Variants in GC observed in about 807,000 individuals in gnomAD.
The protein encoded by GC is GC vitamin D binding protein.
GC carries 43 observed loss-of-function variants against 56.7 expected under a neutral mutation model. That is an observed-to-expected ratio of 0.76 (90% CI 0.59 to 0.98). GC has a LOEUF of 0.98. Among genes scored for constraint, GC ranks in the 50% least tolerant of loss-of-function variants. The pLI is 0.00. For synonymous variants in GC, 216 were observed against 202.7 expected (o/e 1.07, Z -0.56); for missense variants, 529 against 545.9 (o/e 0.97, Z 0.31).
chr4:71,782,230 C>T (rs1160920899), intron 1 of GC, among the ~76,000 whole-genome samples: 2 of 151,684 alleles, frequency 1.3e-5, no homozygotes, highest in Non-Finnish European at 2.9e-5. Context: ...CAAACCAATC[C>T]CCCACAATAC....
At chr4:71,792,164 C>G (rs1180207803) in intron 1 of GC, among the ~76,000 whole-genome samples, 2 of 152,134 alleles carry the variant, frequency 1.3e-5, no homozygotes, top group Non-Finnish European at 2.9e-5. Context: ...GATTTATAAT[C>G]CTTTGGGTAT....
At chr4:71,771,535 T>C (rs944395559) in intron 1 of GC, among the ~76,000 whole-genome samples, 1 of 152,100 alleles carries the variant, frequency 6.6e-6, no homozygotes, top group Non-Finnish European at 1.5e-5. Context: ...ACAAGAGACC[T>C]ACTCAAACAC....
upstream of GC, among the ~76,000 whole-genome samples, chr4:71,786,314 A>G (rs1317534514): frequency 6.6e-6 from 1 of 151,780 alleles, no homozygotes; most frequent in Non-Finnish European, 1.5e-5. Flanking sequence ...TGATTCTAAA[A>G]CTGGGAAGAA....
chr4:71,753,642 A>G (rs1241629720), intron 10 of GC, among the ~76,000 whole-genome samples: 3 of 152,142 alleles, frequency 2.0e-5, no homozygotes, highest in Non-Finnish European at 2.9e-5. Flanking sequence ...GTTAATGTCT[A>G]TTTATAGAGA....
At chr4:71,787,858 A>G (rs1458295009), upstream of GC, among the ~76,000 whole-genome samples, 11 of 151,892 alleles carry the variant, frequency 7.2e-5, no homozygotes, top group African/African-American at 2.7e-4. Flanking sequence ...AATATCCAAA[A>G]TAGAAGACAC....
At chr4:71,784,996 G>T (rs1560710776), upstream of GC, among the ~76,000 whole-genome samples, 1 of 151,722 alleles carries the variant, frequency 6.6e-6, no homozygotes, top group Middle Eastern at 3.4e-3. Context: ...CCTGGTTTTT[G>T]CAGTAGCCCT....
At chr4:71,803,479 T>A (rs1470840335) in intron 1 of GC, among the ~76,000 whole-genome samples, 1 of 152,096 alleles carries the variant, frequency 6.6e-6, no homozygotes, top group Non-Finnish European at 1.5e-5. Context: ...AACTTCTTTT[T>A]TATTCAAGGT....
intron 11 of GC, among the ~76,000 whole-genome samples, chr4:71,750,424 G>A (rs1741507961): frequency 6.6e-6 from 1 of 152,192 alleles, no homozygotes; most frequent in Non-Finnish European, 1.5e-5. Flanking sequence ...TACACTAGAT[G>A]ATCTTTATAG....
rs141259690 is a variant in GC at position 71,774,353 on chromosome 4, C to A, written c.59-4953G>T. Among the ~76,000 whole-genome samples the A allele has an allele frequency of 2.6e-5, 4 of 152,148 alleles. No individual in the cohort carries two copies. In the East Asian group the frequency reaches 7.7e-4, roughly 29 times the overall value. On this transcript the variant is annotated intron_variant, in intron 1 of 12. Transcript: ENST00000273951. ...TCACAGACTCACTCAAACTAATGTCCTTGGGTTCACCTCGGGTGGTAGCCT... is the reference window on the plus strand; with the variant it reads ...TCACAGACTCACTCAAACTAATGTCATTGGGTTCACCTCGGGTGGTAGCCT...
intron 1 of GC, among the ~76,000 whole-genome samples, chr4:71,791,131 C>A (rs914358844): frequency 6.6e-6 from 1 of 152,052 alleles, no homozygotes; most frequent in East Asian, 1.9e-4. Flanking sequence ...CCTCATACAT[C>A]ATATTTTTAT....
At chr4:71,797,430 G>A (rs994151173) in intron 1 of GC, among the ~76,000 whole-genome samples, 3 of 152,244 alleles carry the variant, frequency 2.0e-5, no homozygotes, top group Admixed American at 6.5e-5. Flanking sequence ...CTGCAGCCTC[G>A]CAGTTCAATC....
intron 1 of GC, among the ~76,000 whole-genome samples, chr4:71,778,147 C>T (rs191218488): frequency 1.3e-5 from 2 of 151,916 alleles, no homozygotes; most frequent in Admixed American, 6.6e-5. Flanking sequence ...TCCAATAAAT[C>T]TTTCTAAATC....
At chr4:71,786,651 G>A (rs1742847014), upstream of GC, among the ~76,000 whole-genome samples, 1 of 151,736 alleles carries the variant, frequency 6.6e-6, no homozygotes, top group African/African-American at 2.4e-5. Flanking sequence ...GCTAGTTCCA[G>A]GCAAAATTGT....
At chr4:71,793,416 T>C (rs895897828) in intron 1 of GC, among the ~76,000 whole-genome samples, 19 of 152,252 alleles carry the variant, frequency 1.2e-4, no homozygotes, top group Admixed American at 1.0e-3. Context: ...ATTCTCTTTG[T>C]AGCAATTGTG....
rs1219333164 is a variant in GC at position 71,768,346 on chromosome 4, T to A, written c.216A>T (p.Glu72Asp). 1 of 1,613,354 alleles carries A rather than the reference T, an allele frequency of 6.2e-7. No individual in the cohort carries two copies. Among genetic ancestry groups the A allele is most frequent in the African/African-American group, 1.3e-5 (1 of 74,902 alleles). ...GGTCAGCCCCTTCCGCACAGCAGGC[T>A]TCGGTCAAGGAGACAACTTCCTTCA... ...QLVKEVVSLT[E>D]ACCAEGADPD... is the part of the protein sequence containing the mutation. Residue 72 changes from glutamate to aspartate, a missense_variant, in exon 3 of 13, where the codon GAA (glutamate) becomes GAT (aspartate). By Grantham distance (45) the Glu-to-Asp change is conservative (BLOSUM62 2). Transcript: ENST00000273951.
intron 1 of GC, among the ~76,000 whole-genome samples, chr4:71,780,449 C>G (rs1003158239): frequency 1.3e-5 from 2 of 152,168 alleles, no homozygotes; most frequent in South Asian, 4.1e-4. Flanking sequence ...GAACAGCAAC[C>G]TACAGAATGG....
intron 1 of GC, among the ~76,000 whole-genome samples, chr4:71,790,261 C>T (rs1275138404): frequency 7.9e-5 from 12 of 151,890 alleles, no homozygotes; most frequent in Admixed American, 7.9e-4. Flanking sequence ...TGGTAAAAAC[C>T]ATTTTGCACC....
At chr4:71,764,788 A>G (rs1277805440) in intron 4 of GC, among the ~76,000 whole-genome samples, 2 of 152,126 alleles carry the variant, frequency 1.3e-5, no homozygotes, top group Non-Finnish European at 2.9e-5. Flanking sequence ...TTTGAATGAC[A>G]TTGCTCCTGG....
Position 71,748,339 on chromosome 4 carries a change from G to T in GC, c.1396-2134C>A, listed in dbSNP as rs572929684. ...CTGACACAAGAAAGACAGGTGGTGG[G>T]GGGTAGACAGTATATCACTCTACTT... On this transcript the variant is annotated intron_variant, in intron 11 of 12. Transcript: ENST00000273951. Among the ~76,000 whole-genome samples, 10 of 152,134 alleles carry T rather than the reference G, an allele frequency of 6.6e-5. No individual in the cohort carries two copies. In the South Asian group the frequency reaches 1.0e-3, roughly 16 times the overall value.
Sources: allele counts gnomAD v4.1 joint callset (sites outside exome capture counted in the v4.1 genomes callset), GRCh38; gene constraint gnomAD v4.1.1; transcripts MANE v1.5; gene names NCBI Gene and HGNC (gene_info 2026-07-23, HGNC 2026-07-21).